Variants in NOC4L observed in about 807,000 individuals in gnomAD.
NOC4L encodes nucleolar complex associated 4 homolog.
Under a neutral mutation model 62.8 loss-of-function variants are expected in NOC4L, and 40 were observed. The observed-to-expected ratio is 0.64, with a 90% CI of 0.49 to 0.83. The LOEUF is 0.83. Among genes scored for constraint, NOC4L ranks in the 40% least tolerant of loss-of-function variants. NOC4L has a pLI of 0.00. For missense variants in NOC4L, 927 were observed against 701.9 expected (o/e 1.32, Z -3.62); for synonymous variants, 433 against 299.8 (o/e 1.44, Z -4.59).
intron 11 of NOC4L, 50 bp from the exon 12 acceptor site, chr12:132,151,434 G>A (rs772121256): frequency 2.5e-6 from 4 of 1,600,986 alleles, no homozygotes; most frequent in Non-Finnish European, 3.4e-6. Context: ...AGGGGAGGGT[G>A]GTGGGGGCTA....
At chr12:132,151,412 C>T in intron 11 of NOC4L, 44 bp downstream of exon 11, 2 of 1,602,662 alleles carry the variant, frequency 1.2e-6, no homozygotes, top group Non-Finnish European at 1.7e-6. Context: ...TGTGCGGCTG[C>T]AGCCTGGGGC....
At chr12:132,146,344 A>G (rs1489699682) in intron 3 of NOC4L, 2 of 455,994 alleles carry the variant, frequency 4.4e-6, no homozygotes, top group East Asian at 1.4e-4. Flanking sequence ...CGTATAGCAC[A>G]GCACGTATCG....
intron 8 of NOC4L, 51 bp downstream of exon 8, chr12:132,148,710 G>T (rs1233972817): frequency 6.9e-7 from 1 of 1,439,704 alleles, no homozygotes; most frequent in Non-Finnish European, 9.3e-7. Context: ...GTCTCCCCCA[G>T]GGCGGAGGCC....
chr12:132,147,397 C>A lies in NOC4L; in HGVS notation c.453+9C>A. 1 of 1,573,208 alleles carries A rather than the reference C, an allele frequency of 6.4e-7. No individual in the cohort carries two copies. On this transcript the variant is annotated intron_variant, in intron 4 of 14. Coordinates refer to ENST00000330579, the MANE Select transcript of NOC4L (RefSeq NM_024078.3). ...CCCGAGAGCTCTTCAAGGTGAGGGC[C>A]TTGCTGGGGACTCCCAGAGGGCCTG...
rs1173035290 is a variant in NOC4L, at chr12:132,150,670, TCATAC to T, written c.902-308_902-304del. ...CCCTCGGTGAGTGCCGCCGCCTCGC[TCATAC>T]CACACCCCTAATCCCCTCGGTGAGT... On this transcript the variant is annotated intron_variant, in intron 9 of 14. Transcript: ENST00000330579. 1.1e-4 allele frequency among the ~76,000 whole-genome samples: 3 copies of T among 27,270 alleles called. 1 individual carries two copies. The highest frequency in any genetic ancestry group is 2.3e-4 in the Non-Finnish European group (3 of 12,798). The allele number at this position is 27,270 out of a possible 152,430, so 17.9% of individuals were successfully genotyped here.
chr12:132,151,719 G>T lies in NOC4L; in HGVS notation c.1235-19G>T. 1 of 1,612,340 alleles carries T rather than the reference G, an allele frequency of 6.2e-7. No individual in the cohort carries two copies. The highest frequency in any genetic ancestry group is 8.5e-7 in the Non-Finnish European group (1 of 1,179,750). ...CTGGTGCTGTGGACGGCAGACAAGG[G>T]CCCACGTCTCATTCCTAGAGTTGGA... On this transcript the variant is annotated intron_variant, in intron 12 of 14. Coordinates refer to ENST00000330579, the MANE Select transcript of NOC4L (RefSeq NM_024078.3).
intron 2 of NOC4L, among the ~76,000 whole-genome samples, chr12:132,145,345 G>A (rs181123981): frequency 3.3e-4 from 51 of 152,288 alleles, no homozygotes; most frequent in Non-Finnish European, 6.3e-4. Flanking sequence ...AGCTTGGCTG[G>A]GGCAGTCCTG....
At position 132,152,148 on chromosome 12, in the gene NOC4L, C is replaced by T; in HGVS notation, c.1382C>T (p.Ser461Phe). The T allele has an allele frequency of 6.2e-7, 1 of 1,612,468 alleles. No individual in the cohort carries two copies. Among genetic ancestry groups the T allele is most frequent in the Non-Finnish European group, 8.5e-7 (1 of 1,179,858 alleles). The part of the protein sequence containing the change: ...KAASVINQAL[S>F]MPEVSIAPLL... ...GCCAGCGTCATCAACCAGGCCCTGT[C>T]CATGCCTGAGGTCAGCATCGCGCCA... is the stretch of plus-strand genomic sequence containing the variant. The change falls in exon 14 of 15, where the codon TCC becomes TTC. Residue 461 changes from serine to phenylalanine, a missense_variant. Physicochemically the swap from Ser to Phe is radical, Grantham distance 155 (BLOSUM62 -2). Coordinates refer to ENST00000330579, the MANE Select transcript of NOC4L (RefSeq NM_024078.3).
At chr12:132,144,631 G>T (rs1046513358) in intron 1 of NOC4L, 26 bp downstream of exon 1, 3 of 1,479,482 alleles carry the variant, frequency 2.0e-6, no homozygotes, top group Admixed American at 2.4e-5. Context: ...TCGCAGGGCC[G>T]GAGTCGCGGC....
chr12:132,147,405 G>C lies in NOC4L; in HGVS notation c.453+17G>C. ...CTCTTCAAGGTGAGGGCCTTGCTGG[G>C]GACTCCCAGAGGGCCTGGCTGGCTG... On this transcript the variant is annotated intron_variant, in intron 4 of 14. Transcript: ENST00000330579. The C allele has an allele frequency of 6.5e-7, 1 of 1,537,700 alleles. No homozygotes were observed.
chr12:132,151,210 A>G (rs760072051), intron 10 of NOC4L, 48 bp from the exon 11 acceptor site: 20 of 1,528,214 alleles, frequency 1.3e-5, no homozygotes, highest in Non-Finnish European at 1.8e-5. Context: ...TGGAGGCCTC[A>G]GTTCCCGGGC....
intron 3 of NOC4L, chr12:132,146,416 C>T (rs574181572): frequency 1.1e-5 from 5 of 446,026 alleles, no homozygotes; most frequent in South Asian, 3.1e-5. Flanking sequence ...TTACGAACAG[C>T]GGACTGTGAA....
intron 8 of NOC4L, 52 bp from the exon 9 acceptor site, chr12:132,148,732 C>CCCCCCCGGGGGGGGGGGGGGGG: frequency 3.1e-6 from 4 of 1,305,536 alleles, no homozygotes; most frequent in Non-Finnish European, 4.1e-6. Context: ...CACCCCGACC[C>CCCCCCCGGGGGGGGGGGGGGGG]GCCGGCCCCC....
intron 10 of NOC4L, 37 bp from the exon 11 acceptor site, chr12:132,151,221 C>CCTGCTCCATCCG: frequency 1.3e-6 from 2 of 1,567,572 alleles, no homozygotes; most frequent in African/African-American, 1.3e-5. Context: ...GTTCCCGGGC[C>CCTGCTCCATCCG]CTGCTCCATC....
intron 10 of NOC4L, 59 bp downstream of exon 10, chr12:132,151,100 CCCCTT>C: frequency 2.0e-6 from 3 of 1,504,308 alleles, no homozygotes; most frequent in Non-Finnish European, 2.8e-6. Flanking sequence ...GCTCCTCTGT[CCCCTT>C]CCCACCCTGC....
In NOC4L at chr12:132,152,179, G is replaced by A. The variant is rs1565962439; in HGVS notation, c.1413G>A (p.Leu471=). Residue 471 remains leucine, a synonymous_variant, in exon 14 of 15, where the codon CTG becomes CTA. Transcript: ENST00000330579. ...CTGAGGTCAGCATCGCGCCACTGCT[G>A]GAGCTCACGGCCTACGAGGTGCGGA... ...SMPEVSIAPL[L]ELTAYEIFER... The A allele has an allele frequency of 6.2e-6, 10 of 1,612,096 alleles. No homozygotes were observed. Among genetic ancestry groups the A allele is most frequent in the Non-Finnish European group, 6.8e-6 (8 of 1,179,830 alleles).
At position 132,151,672 on chromosome 12, in the gene NOC4L, G is replaced by A. The variant is rs1872952611; in HGVS notation, c.1234+28G>A. On this transcript the variant is annotated intron_variant, in intron 12 of 14. Coordinates refer to ENST00000330579, the MANE Select transcript of NOC4L (RefSeq NM_024078.3). Reference sequence around the variant, plus strand: ...GAGTTGCGGGGCCCTCGGAGGCTGGGCTGGAGCTGGGGCGGGGGTGCCTGG... The same window carrying A: ...GAGTTGCGGGGCCCTCGGAGGCTGGACTGGAGCTGGGGCGGGGGTGCCTGG... The A allele has an allele frequency of 1.9e-6, 3 of 1,611,428 alleles. No homozygotes were observed. The Admixed American group carries it at 5.0e-5, about 27-fold the overall frequency.
At chr12:132,151,389 C>G in intron 11 of NOC4L, 21 bp downstream of exon 11, 1 of 1,604,074 alleles carries the variant, frequency 6.2e-7, no homozygotes, top group Non-Finnish European at 8.5e-7. Context: ...GGGCACCTGG[C>G]TCTGCCCTGC....
intron 7 of NOC4L, 69 bp downstream of exon 7, chr12:132,148,175 C>T (rs1897797521): frequency 7.2e-6 from 11 of 1,522,322 alleles, no homozygotes; most frequent in Middle Eastern, 2.2e-4. Context: ...ATGTGAGACC[C>T]CATGGAGGCT....
Sources: gnomAD v4.1 joint callset for allele counts (sites outside exome capture counted in the v4.1 genomes callset) on GRCh38, gnomAD v4.1.1 for gene constraint, MANE v1.5 for transcripts, NCBI Gene and HGNC (gene_info 2026-07-23, HGNC 2026-07-21) for gene names.